Variants in PARD3 observed in about 807,000 individuals in gnomAD.
PARD3 encodes partitioning defective 3 homolog.
In PARD3, 75 loss-of-function variants were observed where a neutral mutation model predicts 155.4. The observed-to-expected ratio is 0.48, with a 90% CI of 0.40 to 0.58. PARD3 has a LOEUF of 0.58. PARD3 is among the 20% of genes least tolerant of loss of function. The pLI, the probability that PARD3 is intolerant of heterozygous loss-of-function variation, is 0.00. For missense variants in PARD3, 1,642 were observed against 1,721.7 expected, an observed-to-expected ratio of 0.95 and a Z score of 0.82; for synonymous variants, 576 against 610.5, an observed-to-expected ratio of 0.94 and a Z score of 0.83.
At chr10:34,336,275 CAGTT>C (rs1400780967) in intron 17 of PARD3, 32 bp from the exon 18 acceptor site, 1 of 1,563,428 alleles carries the variant, frequency 6.4e-7, no homozygotes, top group East Asian at 2.3e-5. Flanking sequence ...ATAGTTAGCC[CAGTT>C]AGTTCCCATA....
At chr10:34,166,208 A>G (rs1229905508) in intron 22 of PARD3, among the ~76,000 whole-genome samples, 5 of 152,228 alleles carry the variant, frequency 3.3e-5, no homozygotes, top group Non-Finnish European at 7.3e-5. Flanking sequence ...GTTCCAAAGC[A>G]TGGACTATGC....
chr10:34,485,133 T>C (rs1485046046), intron 3 of PARD3, among the ~76,000 whole-genome samples: 1 of 151,982 alleles, frequency 6.6e-6, no homozygotes, highest in East Asian at 1.9e-4. Flanking sequence ...AGGTCAGGAG[T>C]TCGAGACCAG....
chr10:34,701,333 A>ATGTTGTTGTTGTTGT lies in PARD3; in HGVS notation c.121-4929_121-4915dup, dbSNP rs34806804. ...CACTGAAACCACAATACACGCGGGG[A>ATGTTGTTGTTGTTGT]TGTTGTTGTTGTTGTTGTTGTTGTT... On this transcript the variant is annotated intron_variant, in intron 1 of 24. Coordinates refer to ENST00000374788, the MANE Select transcript of PARD3 (RefSeq NM_001184785.2). Among the ~76,000 whole-genome samples, 531 of 149,976 alleles carry ATGTTGTTGTTGTTGT rather than the reference A, an allele frequency of 3.5e-3. 2 individuals carry two copies. Among genetic ancestry groups the ATGTTGTTGTTGTTGT allele is most frequent in the Middle Eastern group, 0.021 (6 of 292 alleles).
At chr10:34,250,921 C>T (rs1004072708) in intron 22 of PARD3, among the ~76,000 whole-genome samples, 7 of 152,122 alleles carry the variant, frequency 4.6e-5, no homozygotes, top group Admixed American at 3.3e-4. Flanking sequence ...TGAGAATTAC[C>T]CAGGTTGCAT....
intron 1 of PARD3, among the ~76,000 whole-genome samples, chr10:34,810,772 T>C (rs2134423985): frequency 6.6e-6 from 1 of 152,336 alleles, no homozygotes; most frequent in Non-Finnish European, 1.5e-5. Context: ...GCAGCTAGTA[T>C]GGGCCGGGCC....
At chr10:34,204,662 G>A (rs1951381738) in intron 22 of PARD3, among the ~76,000 whole-genome samples, 1 of 152,140 alleles carries the variant, frequency 6.6e-6, no homozygotes, top group Non-Finnish European at 1.5e-5. Context: ...AGATGCATCT[G>A]CCATACAGGA....
chr10:34,689,933 TGTTATTTATTTA>T (rs749359166), intron 2 of PARD3, among the ~76,000 whole-genome samples: 17 of 151,060 alleles, frequency 1.1e-4, no homozygotes, highest in African/African-American at 3.6e-4. Context: ...GATTTTTACA[TGTTATTTATTTA>T]TTTATTTATT....
chr10:34,670,755 C>T (rs2093596335), intron 2 of PARD3, among the ~76,000 whole-genome samples: 1 of 152,194 alleles, frequency 6.6e-6, no homozygotes, highest in African/African-American at 2.4e-5. Context: ...CAATTCCATC[C>T]GTGAACAGTT....
chr10:34,225,719 C>G (rs1374516165), intron 22 of PARD3, among the ~76,000 whole-genome samples: 2 of 152,132 alleles, frequency 1.3e-5, no homozygotes, highest in Non-Finnish European at 2.9e-5. Context: ...TACCTCATCT[C>G]ATATACAAAA....
chr10:34,587,248 G>C (rs2088164764), intron 2 of PARD3, among the ~76,000 whole-genome samples: 1 of 152,036 alleles, frequency 6.6e-6, no homozygotes, highest in African/African-American at 2.4e-5. Context: ...TCAGCCTCCT[G>C]TGTGGCTGGG....
chr10:34,651,033 A>C (rs2092998806), intron 2 of PARD3, among the ~76,000 whole-genome samples: 1 of 136,636 alleles, frequency 7.3e-6, no homozygotes, highest in Non-Finnish European at 1.7e-5. Context: ...AAAAAAAAAA[A>C]AAAAAAAAAA....
chr10:34,599,808 T>A lies in PARD3; in HGVS notation c.223-82649A>T, dbSNP rs374699907. ...CTTTCTTTCCACTACAACATGTTCA[T>A]GAAATCATATTAAAGCCATGTTTTA... On this transcript the variant is annotated intron_variant, in intron 2 of 24. Coordinates refer to ENST00000374788, the MANE Select transcript of PARD3 (RefSeq NM_001184785.2). Among the ~76,000 whole-genome samples, 18 of 152,340 alleles carry A rather than the reference T, an allele frequency of 1.2e-4. 1 individual carries two copies. The East Asian group carries it at 2.9e-3, about 24-fold the overall frequency.
intron 21 of PARD3, among the ~76,000 whole-genome samples, chr10:34,274,121 A>G (rs951456647): frequency 6.6e-6 from 1 of 152,172 alleles, no homozygotes; most frequent in South Asian, 2.1e-4. Flanking sequence ...TCAAAAGTGA[A>G]TATTAGGAAG....
chr10:34,382,296 C>T (rs1230674342), intron 9 of PARD3, among the ~76,000 whole-genome samples: 1 of 152,158 alleles, frequency 6.6e-6, no homozygotes, highest in Non-Finnish European at 1.5e-5. Context: ...GTCTTATTCT[C>T]TGCACTTTTA....
intron 22 of PARD3, among the ~76,000 whole-genome samples, chr10:34,225,854 A>C (rs1337127920): frequency 6.6e-6 from 1 of 152,000 alleles, no homozygotes; most frequent in African/African-American, 2.4e-5. Flanking sequence ...TATGACATCA[A>C]AAGCATGATG....
At chr10:34,659,676 G>A (rs2093273178) in intron 2 of PARD3, among the ~76,000 whole-genome samples, 1 of 152,100 alleles carries the variant, frequency 6.6e-6, no homozygotes, top group Non-Finnish European at 1.5e-5. Flanking sequence ...TAATGTAAAA[G>A]GATGGTGAAA....
chr10:34,234,950 TAAAAA>T (rs1436129721), intron 22 of PARD3, among the ~76,000 whole-genome samples: 2 of 152,206 alleles, frequency 1.3e-5, no homozygotes, highest in Non-Finnish European at 2.9e-5. Flanking sequence ...GAAAATAACT[TAAAAA>T]TACTAGTCCA....
At chr10:34,227,883 T>TATATATATATATATACAC (rs1491222875) in intron 22 of PARD3, among the ~76,000 whole-genome samples, 1 of 130,458 alleles carries the variant, frequency 7.7e-6, no homozygotes, top group African/African-American at 2.9e-5. Context: ...TATATATATA[T>TATATATATATATATACAC]ACTGGGAATA....
At chr10:34,814,110 G>A (rs1351120261) in intron 1 of PARD3, among the ~76,000 whole-genome samples, 1 of 152,286 alleles carries the variant, frequency 6.6e-6, no homozygotes, top group South Asian at 2.1e-4. Context: ...AGGAGCTGAG[G>A]TCCTCGCAGG....
Sources: gnomAD v4.1 joint callset for allele counts (sites outside exome capture counted in the v4.1 genomes callset) on GRCh38, gnomAD v4.1.1 for gene constraint, MANE v1.5 for transcripts, NCBI Gene and HGNC (gene_info 2026-07-23, HGNC 2026-07-21) for gene names.